The following ROR1 variants were observed in gnomAD, a reference collection of about 807,000 sequenced individuals.
ROR1 encodes the protein ROR family WNT receptor 1, also known as inactive tyrosine-protein kinase transmembrane receptor ROR1.
ROR1 carries 19 observed loss-of-function variants against 78.8 expected under a neutral mutation model. The observed-to-expected ratio is 0.24, with a 90% CI of 0.17 to 0.35. The LOEUF (loss-of-function observed/expected upper bound fraction) is 0.35. Ranked by LOEUF, ROR1 falls within the 10% of genes least tolerant of loss-of-function variation. The pLI is 1.00. For synonymous variants in ROR1, 386 were observed against 433.6 expected, an observed-to-expected ratio of 0.89 and a Z score of 1.36; for missense variants, 917 against 1,177.8, an observed-to-expected ratio of 0.78 and a Z score of 3.24.
At chr1:63,852,540 G>A (rs57845838) in intron 1 of ROR1, among the ~76,000 whole-genome samples, 10 of 152,068 alleles carry the variant, frequency 6.6e-5, no homozygotes, top group African/African-American at 2.4e-4. Flanking sequence ...GAAATTTCAT[G>A]GTTTTTAGAC....
intron 1 of ROR1, among the ~76,000 whole-genome samples, chr1:63,946,318 A>G (rs898882731): frequency 2.6e-5 from 4 of 152,220 alleles, no homozygotes; most frequent in Non-Finnish European, 5.9e-5. Context: ...AACATCTTCC[A>G]GATATAACTA....
chr1:63,978,115 G>C (rs1646176669), intron 1 of ROR1, among the ~76,000 whole-genome samples: 1 of 152,096 alleles, frequency 6.6e-6, no homozygotes, highest in Admixed American at 6.6e-5. Context: ...GAGGTTATCT[G>C]GTTAGTAGCC....
intron 1 of ROR1, among the ~76,000 whole-genome samples, chr1:63,870,305 G>A (rs536018059): frequency 6.6e-6 from 1 of 152,280 alleles, no homozygotes; most frequent in South Asian, 2.1e-4. Flanking sequence ...TGAACTCTGA[G>A]CATCTAGAGG....
intron 4 of ROR1, among the ~76,000 whole-genome samples, chr1:64,070,328 G>GT (rs1006481473): frequency 2.0e-5 from 3 of 152,000 alleles, no homozygotes; most frequent in Non-Finnish European, 4.4e-5. Context: ...TTAAGCTTCA[G>GT]TTTTTTGTTT....
chr1:64,038,217 G>T (rs1646718947), intron 2 of ROR1, among the ~76,000 whole-genome samples: 1 of 152,040 alleles, frequency 6.6e-6, no homozygotes, highest in African/African-American at 2.4e-5. Flanking sequence ...GCACATTCCA[G>T]CAAGAGGACA....
intron 2 of ROR1, among the ~76,000 whole-genome samples, 200 bp downstream of exon 2, chr1:64,009,576 C>A (rs371321678): frequency 7.9e-4 from 121 of 152,258 alleles, no homozygotes; most frequent in African/African-American, 2.8e-3. Flanking sequence ...TTCTTTCCCC[C>A]CCTCGTTCCT....
At chr1:64,109,553 C>A (rs1318195049) in intron 4 of ROR1, among the ~76,000 whole-genome samples, 8 of 151,964 alleles carry the variant, frequency 5.3e-5, no homozygotes, top group Non-Finnish European at 1.0e-4. Flanking sequence ...ATAGAAGAGC[C>A]CTGTAGGCAA....
At chr1:63,993,981 G>C (rs542783970) in intron 1 of ROR1, among the ~76,000 whole-genome samples, 1 of 152,076 alleles carries the variant, frequency 6.6e-6, no homozygotes, top group African/African-American at 2.4e-5. Flanking sequence ...TTGATATAAG[G>C]GTTCCTGATT....
intron 2 of ROR1, among the ~76,000 whole-genome samples, chr1:64,044,185 A>G (rs569035323): frequency 1.3e-5 from 2 of 152,226 alleles, no homozygotes; most frequent in South Asian, 4.2e-4. Context: ...TCAGGGCCTG[A>G]GCTAACCCAT....
chr1:64,037,962 C>T (rs1415222386), intron 2 of ROR1, among the ~76,000 whole-genome samples: 2 of 152,148 alleles, frequency 1.3e-5, no homozygotes, highest in African/African-American at 4.8e-5. Context: ...CCCCTACTCT[C>T]TCACACCTTC....
intron 1 of ROR1, among the ~76,000 whole-genome samples, chr1:63,825,589 C>T (rs933113433): frequency 2.6e-5 from 4 of 152,088 alleles, no homozygotes; most frequent in Non-Finnish European, 5.9e-5. Context: ...TTTTAAAAGT[C>T]GAATGTGGTG....
chr1:63,854,683 A>G (rs143494194), intron 1 of ROR1, among the ~76,000 whole-genome samples: 2 of 152,346 alleles, frequency 1.3e-5, no homozygotes, highest in South Asian at 2.1e-4. Flanking sequence ...CTGTGCTTAG[A>G]TAGTATCTGG....
At chr1:63,914,071 A>G (rs924081455) in intron 1 of ROR1, among the ~76,000 whole-genome samples, 12 of 62,992 alleles carry the variant, frequency 1.9e-4, no homozygotes, top group African/African-American at 4.4e-4. Context: ...GGGAAGCCGC[A>G]TTAGTGTTTT....
chr1:63,938,286 A>T (rs1330943156), intron 1 of ROR1, among the ~76,000 whole-genome samples: 1 of 152,198 alleles, frequency 6.6e-6, no homozygotes, highest in Non-Finnish European at 1.5e-5. Flanking sequence ...TTTAAAGTAT[A>T]CAGGAGGATA....
At chr1:64,168,242 C>G (rs1488904666) in intron 8 of ROR1, among the ~76,000 whole-genome samples, 1 of 152,166 alleles carries the variant, frequency 6.6e-6, no homozygotes, top group Non-Finnish European at 1.5e-5. Flanking sequence ...ACTTAACTGA[C>G]CTGTTCTTTG....
At chr1:63,860,250 G>A (rs2100343180) in intron 1 of ROR1, among the ~76,000 whole-genome samples, 1 of 152,198 alleles carries the variant, frequency 6.6e-6, no homozygotes, top group East Asian at 1.9e-4. Flanking sequence ...AACTTTATTG[G>A]ATTTAATTGG....
rs11421779 is a variant in ROR1, at chr1:63,857,157, G to GTT, written c.91+82663_91+82664dup. ...ATCTGTTGTTGAACAACTTTCAGAA[G>GTT]TTTTTTTTTTTTTTTACAGAAATGA... On this transcript the variant is annotated intron_variant, in intron 1 of 8. Coordinates refer to ENST00000371079, the MANE Select transcript of ROR1 (RefSeq NM_005012.4). 1.8e-3 allele frequency among the ~76,000 whole-genome samples: 262 copies of GTT among 141,986 alleles called. 1 individual carries two copies. The highest frequency in any genetic ancestry group is 5.2e-3 in the African/African-American group (206 of 39,606). The allele number at this position is 141,986 out of a possible 152,430, so 93.1% of individuals were successfully genotyped here.
intron 1 of ROR1, among the ~76,000 whole-genome samples, chr1:63,829,275 G>C (rs1644972595): frequency 6.6e-6 from 1 of 152,204 alleles, no homozygotes; most frequent in Non-Finnish European, 1.5e-5. Flanking sequence ...TATGTGTTAT[G>C]CAAATGTATT....
chr1:63,850,497 G>T (rs774504188), intron 1 of ROR1, among the ~76,000 whole-genome samples: 8 of 152,178 alleles, frequency 5.3e-5, no homozygotes, highest in Non-Finnish European at 1.2e-4. Flanking sequence ...ATAAGTTCCC[G>T]TTGCTCTTTA....
Sources: allele counts gnomAD v4.1 joint callset (sites outside exome capture counted in the v4.1 genomes callset), GRCh38; gene constraint gnomAD v4.1.1; transcripts MANE v1.5; gene names NCBI Gene and HGNC (gene_info 2026-07-23, HGNC 2026-07-21).